The following NLK variants were observed in gnomAD, a reference collection of about 807,000 sequenced individuals.
NLK encodes serine/threonine-protein kinase NLK.
In NLK, 11 loss-of-function variants were observed where a neutral mutation model predicts 59.0. The observed-to-expected ratio is 0.19, with a 90% confidence interval of 0.12 to 0.31. The LOEUF (loss-of-function observed/expected upper bound fraction) is 0.31. Among genes scored for constraint, NLK ranks in the 10% least tolerant of loss-of-function variants. NLK has a pLI of 1.00. For missense variants in NLK, 410 were observed against 661.1 expected (o/e 0.62, Z 4.16); for synonymous variants, 235 against 235.9 (o/e 1.00, Z 0.03).
At chr17:28,174,471 G>A (rs1460295269) in intron 7 of NLK, among the ~76,000 whole-genome samples, 1 of 152,110 alleles carries the variant, frequency 6.6e-6, no homozygotes, top group Non-Finnish European at 1.5e-5. Flanking sequence ...GAGAAGACTG[G>A]TGGAGTGAAA....
At chr17:28,111,861 CGTGTGTGTGT>C (rs144479598) in intron 1 of NLK, among the ~76,000 whole-genome samples, 17 of 74,072 alleles carry the variant, frequency 2.3e-4, no homozygotes, top group African/African-American at 5.7e-4. Context: ...AGGCTTATAC[CGTGTGTGTGT>C]GTGTGTGTGT....
At chr17:28,072,327 CT>C (rs56146394) in intron 1 of NLK, among the ~76,000 whole-genome samples, 2,349 of 132,658 alleles carry the variant, frequency 0.018, 22 homozygotes, top group Non-Finnish European at 0.028. Context: ...TCTTCTTTTT[CT>C]TTTTTTTTTT....
chr17:28,051,810 G>T (rs549604210), intron 1 of NLK, among the ~76,000 whole-genome samples: 7 of 152,166 alleles, frequency 4.6e-5, no homozygotes, highest in Admixed American at 3.3e-4. Context: ...ATAAAATCCT[G>T]TGTTTCCTAA....
intron 1 of NLK, among the ~76,000 whole-genome samples, chr17:28,060,295 T>C (rs1024468215): frequency 2.0e-5 from 3 of 152,076 alleles, no homozygotes; most frequent in African/African-American, 7.2e-5. Flanking sequence ...ATCAGATTTG[T>C]CTATGAAGAC....
intron 1 of NLK, among the ~76,000 whole-genome samples, chr17:28,097,678 T>C (rs781596194): frequency 9.2e-5 from 14 of 152,292 alleles, no homozygotes; most frequent in Non-Finnish European, 1.9e-4. Context: ...GTTGTTATAG[T>C]AGTATAAGGC....
At chr17:28,094,983 G>C (rs1904648695) in intron 1 of NLK, among the ~76,000 whole-genome samples, 1 of 152,174 alleles carries the variant, frequency 6.6e-6, no homozygotes, top group Non-Finnish European at 1.5e-5. Flanking sequence ...TAACCAAAGA[G>C]GAAAGGGACC....
chr17:28,120,288 A>G (rs1198574511), intron 1 of NLK, among the ~76,000 whole-genome samples: 1 of 148,388 alleles, frequency 6.7e-6, no homozygotes, highest in African/African-American at 2.5e-5. Context: ...GTGTGTGTAA[A>G]ATACAGACAG....
chr17:28,046,378 AAAGT>A (rs1300912687), intron 1 of NLK, among the ~76,000 whole-genome samples: 1 of 152,224 alleles, frequency 6.6e-6, no homozygotes, highest in Non-Finnish European at 1.5e-5. Flanking sequence ...ATTTTATCTC[AAAGT>A]AAGAGTTCCA....
chr17:28,151,794 T>C (rs1907491781), intron 3 of NLK, among the ~76,000 whole-genome samples: 1 of 152,168 alleles, frequency 6.6e-6, no homozygotes, highest in African/African-American at 2.4e-5. Context: ...TAATAGATAA[T>C]AGAAGGTTGA....
chr17:28,186,857 A>G (rs886599352), intron 8 of NLK, among the ~76,000 whole-genome samples: 6 of 152,214 alleles, frequency 3.9e-5, no homozygotes. Flanking sequence ...TAGTGATACT[A>G]TAAGCCTGAC....
chr17:28,087,632 A>G (rs1048394985), intron 1 of NLK, among the ~76,000 whole-genome samples: 1 of 152,250 alleles, frequency 6.6e-6, no homozygotes, highest in Admixed American at 6.5e-5. Flanking sequence ...GTGGAGTAGA[A>G]TATATGTAGA....
intron 2 of NLK, among the ~76,000 whole-genome samples, chr17:28,130,361 T>C (rs1257060703): frequency 2.0e-5 from 3 of 152,112 alleles, no homozygotes; most frequent in Non-Finnish European, 2.9e-5. Context: ...AGAAGCACTG[T>C]AGAATGCCAT....
chr17:28,197,277 T>C (rs1909505168), downstream of NLK, among the ~76,000 whole-genome samples: 1 of 152,112 alleles, frequency 6.6e-6, no homozygotes, highest in Non-Finnish European at 1.5e-5. Flanking sequence ...AAGACCAGCC[T>C]GGCCAACATG....
In NLK at chr17:28,047,154, C is replaced by G. The variant is rs79755139; in HGVS notation, c.458+3823C>G. ...ATTAAGTGAGGTAATTCTTGTAAACCAATGATTACACTGTCTAGCACACAG... is the reference window on the plus strand; with the variant it reads ...ATTAAGTGAGGTAATTCTTGTAAACGAATGATTACACTGTCTAGCACACAG... On this transcript the variant is annotated intron_variant, in intron 1 of 10. Coordinates refer to ENST00000407008, the MANE Select transcript of NLK (RefSeq NM_016231.5). 6.5e-3 allele frequency among the ~76,000 whole-genome samples: 994 copies of G among 152,144 alleles called. 17 individuals are homozygous for G. The highest frequency in any genetic ancestry group is 0.022 in the African/African-American group (928 of 41,514).
At position 28,167,532 on chromosome 17, in the gene NLK, A is replaced by C. The variant is rs1597719603; in HGVS notation, c.838-916A>C. ...GCATGAGCCACTGTGCCTGGCCAACAGTTGGTCTCTAAATCAAACCTACAA... is the reference window on the plus strand; with the variant it reads ...GCATGAGCCACTGTGCCTGGCCAACCGTTGGTCTCTAAATCAAACCTACAA... On this transcript the variant is annotated intron_variant, in intron 5 of 10. Transcript: ENST00000407008. 2.0e-5 allele frequency among the ~76,000 whole-genome samples: 3 copies of C among 152,116 alleles called. No individual in the cohort carries two copies. In the South Asian group the frequency reaches 6.2e-4, roughly 32 times the overall value.
intron 1 of NLK, chr17:28,047,767 T>G (rs1597650663): frequency 5.2e-6 from 2 of 383,868 alleles, no homozygotes. Context: ...TTTTTTCTTA[T>G]GTTTTGTCTG....
rs571575658 is a variant in NLK, at chr17:28,074,199, C to T, written c.458+30868C>T. 2.6e-5 allele frequency among the ~76,000 whole-genome samples: 4 copies of T among 152,226 alleles called. No homozygotes were observed. The East Asian group carries it at 7.7e-4, about 29-fold the overall frequency. On this transcript the variant is annotated intron_variant, in intron 1 of 10. Coordinates refer to ENST00000407008, the MANE Select transcript of NLK (RefSeq NM_016231.5). The stretch of plus-strand genomic sequence containing the variant: ...GTGATGTAATTTTGGAGCAAATGAA[C>T]ATTCACATCCCAATTCTAAATCTGA...
chr17:28,091,023 A>G (rs1302386320), intron 1 of NLK, among the ~76,000 whole-genome samples: 1 of 152,202 alleles, frequency 6.6e-6, no homozygotes, highest in Non-Finnish European at 1.5e-5. Flanking sequence ...GGAATACTAT[A>G]TATATGAAAT....
chr17:28,117,083 A>T (rs1226692247), intron 1 of NLK, among the ~76,000 whole-genome samples: 1 of 152,176 alleles, frequency 6.6e-6, no homozygotes, highest in African/African-American at 2.4e-5. Flanking sequence ...ACTGGGCTGT[A>T]TCATCTTCAC....
Sources: gnomAD v4.1 joint callset for allele counts (sites outside exome capture counted in the v4.1 genomes callset) on GRCh38, gnomAD v4.1.1 for gene constraint, MANE v1.5 for transcripts, NCBI Gene and HGNC (gene_info 2026-07-23, HGNC 2026-07-21) for gene names.